KHDRBS2: variants seen among roughly 807,000 people sequenced by gnomAD.
KHDRBS2 encodes the protein KH domain-containing, RNA-binding, signal transduction-associated protein 2.
In KHDRBS2, 26 loss-of-function variants were observed where a neutral mutation model predicts 44.3. The ratio of observed to expected loss-of-function variants is 0.59; its 90% CI spans 0.43 to 0.81. KHDRBS2 has a LOEUF of 0.81. Among genes scored for constraint, KHDRBS2 ranks in the 40% least tolerant of loss-of-function variants. KHDRBS2 has a pLI of 0.00. For synonymous variants in KHDRBS2, 194 were observed against 151.1 expected (o/e 1.28, Z -2.08); for missense variants, 476 against 433.1 (o/e 1.10, Z -0.88).
intron 6 of KHDRBS2, among the ~76,000 whole-genome samples, chr6:61,806,950 A>T (rs1445110951): frequency 1.3e-5 from 2 of 151,854 alleles, no homozygotes; most frequent in Non-Finnish European, 2.9e-5. Context: ...ATGTCAAATC[A>T]TTTTTTTTAG....
At chr6:61,636,462 A>G in the KHDRBS2 span, among the ~76,000 whole-genome samples, 3 of 152,172 alleles carry the variant, frequency 2.0e-5, no homozygotes, top group Admixed American at 2.0e-4. Context: ...ACTTCCCTTG[A>G]TTCCTCAAAT....
intron 2 of KHDRBS2, among the ~76,000 whole-genome samples, chr6:62,110,212 C>G (rs1518911): frequency 0.62 from 93,960 of 151,806 alleles, 29,285 homozygotes; most frequent in African/African-American, 0.64. Flanking sequence ...AAAGAACTTC[C>G]ATACATTGTT....
At chr6:62,053,605 AAAAC>A (rs1789582139) in intron 2 of KHDRBS2, among the ~76,000 whole-genome samples, 1 of 151,950 alleles carries the variant, frequency 6.6e-6, no homozygotes, top group Non-Finnish European at 1.5e-5. Context: ...CATCATCTGA[AAAAC>A]AAAGGAAACA....
intron 3 of KHDRBS2, among the ~76,000 whole-genome samples, chr6:62,025,766 C>T (rs1368518104): frequency 2.0e-5 from 3 of 151,852 alleles, no homozygotes; most frequent in Non-Finnish European, 4.4e-5. Flanking sequence ...ATATCTTTTC[C>T]TCGTAGAAGA....
the KHDRBS2 span, among the ~76,000 whole-genome samples, chr6:61,557,844 C>T: frequency 1.7e-3 from 265 of 152,208 alleles, 4 homozygotes; most frequent in Admixed American, 6.9e-3. Context: ...TGAGGTTTTG[C>T]ATATCCTCAT....
chr6:62,279,306 G>A (rs1448070754), intron 1 of KHDRBS2, among the ~76,000 whole-genome samples: 1 of 152,062 alleles, frequency 6.6e-6, no homozygotes, highest in African/African-American at 2.4e-5. Flanking sequence ...GCCTCCTGAG[G>A]TTTTGAATTA....
At chr6:61,848,551 A>ATATATATATATT (rs1562295003) in intron 6 of KHDRBS2, among the ~76,000 whole-genome samples, 1 of 42,864 alleles carries the variant, frequency 2.3e-5, no homozygotes, top group Non-Finnish European at 3.7e-5. Flanking sequence ...GTATATATAT[A>ATATATATATATT]CATATATATA....
At chr6:62,103,997 C>A (rs1802532172) in intron 2 of KHDRBS2, among the ~76,000 whole-genome samples, 1 of 151,664 alleles carries the variant, frequency 6.6e-6, no homozygotes, top group South Asian at 2.1e-4. Context: ...AAAAATGATA[C>A]CAGAGGGAAA....
At chr6:62,105,563 G>A (rs1203605473) in intron 2 of KHDRBS2, among the ~76,000 whole-genome samples, 8 of 152,082 alleles carry the variant, frequency 5.3e-5, no homozygotes, top group East Asian at 1.9e-4. Context: ...GTTTATTTGC[G>A]TAGAGGTGTT....
At chr6:61,578,279 G>T in the KHDRBS2 span, among the ~76,000 whole-genome samples, 2 of 152,070 alleles carry the variant, frequency 1.3e-5, no homozygotes, top group Non-Finnish European at 1.5e-5. Context: ...AGGTGTTTGT[G>T]GTATTAGGTG....
intron 4 of KHDRBS2, among the ~76,000 whole-genome samples, chr6:61,964,428 T>A (rs1769448614): frequency 6.6e-6 from 1 of 151,988 alleles, no homozygotes; most frequent in Non-Finnish European, 1.5e-5. Context: ...TGAATTTCAT[T>A]AGGGAGAGAA....
At chr6:61,787,187 T>A (rs1460235541) in intron 6 of KHDRBS2, among the ~76,000 whole-genome samples, 1 of 122,756 alleles carries the variant, frequency 8.1e-6, no homozygotes, top group African/African-American at 3.2e-5. Flanking sequence ...TTAGATACTT[T>A]GTTTTCAACA....
intron 7 of KHDRBS2, among the ~76,000 whole-genome samples, chr6:61,730,332 C>G (rs1774242259): frequency 6.6e-6 from 1 of 152,060 alleles, no homozygotes; most frequent in African/African-American, 2.4e-5. Flanking sequence ...TCAGTATTCT[C>G]TTTGAAGAAT....
At chr6:62,040,977 T>C (rs1231358342) in intron 3 of KHDRBS2, among the ~76,000 whole-genome samples, 1 of 152,276 alleles carries the variant, frequency 6.6e-6, no homozygotes, top group East Asian at 1.9e-4. Flanking sequence ...TTTAAAATAT[T>C]GTCCAGATAT....
chr6:62,111,576 C>A (rs1241224501), intron 2 of KHDRBS2, among the ~76,000 whole-genome samples: 1 of 152,058 alleles, frequency 6.6e-6, no homozygotes, highest in Non-Finnish European at 1.5e-5. Flanking sequence ...ACTCTAGTAG[C>A]ATCAAAGTTA....
At chr6:62,047,150 C>T (rs1787887209) in intron 3 of KHDRBS2, among the ~76,000 whole-genome samples, 1 of 151,882 alleles carries the variant, frequency 6.6e-6, no homozygotes, top group South Asian at 2.1e-4. Flanking sequence ...GTGGCCTGGT[C>T]AAATGATACT....
intron 2 of KHDRBS2, among the ~76,000 whole-genome samples, chr6:62,048,656 C>T (rs960420951): frequency 6.6e-6 from 1 of 151,798 alleles, no homozygotes; most frequent in Admixed American, 6.6e-5. Flanking sequence ...ATACAAAACA[C>T]TTTGTCGAAA....
chr6:62,241,805 G>A (rs1834725380), intron 1 of KHDRBS2, among the ~76,000 whole-genome samples: 1 of 148,954 alleles, frequency 6.7e-6, no homozygotes, highest in Middle Eastern at 3.4e-3. Context: ...CAAGATTTGT[G>A]AGCCAAGTAC....
chr6:62,031,739 T>C (rs757000164), intron 3 of KHDRBS2, among the ~76,000 whole-genome samples: 2 of 152,012 alleles, frequency 1.3e-5, no homozygotes, highest in Admixed American at 6.6e-5. Flanking sequence ...GGTAGACTTA[T>C]AAGGTTTTTG....
Sources: gnomAD v4.1 joint callset for allele counts (sites outside exome capture counted in the v4.1 genomes callset) on GRCh38, gnomAD v4.1.1 for gene constraint, MANE v1.5 for transcripts, NCBI Gene and HGNC (gene_info 2026-07-23, HGNC 2026-07-21) for gene names.